Variants in KATNIP observed in about 807,000 individuals in gnomAD.
KATNIP encodes the protein katanin-interacting protein.
KATNIP carries 126 observed loss-of-function variants against 174.0 expected under a neutral mutation model. The ratio of observed to expected loss-of-function variants is 0.72; its 90% CI spans 0.63 to 0.84. The LOEUF is 0.84. KATNIP is among the 40% of genes least tolerant of loss of function. The pLI is 0.00. For synonymous variants in KATNIP, 810 were observed against 835.7 expected (o/e 0.97, Z 0.53); for missense variants, 1,958 against 2,109.7 (o/e 0.93, Z 1.41).
intron 1 of KATNIP, among the ~76,000 whole-genome samples, chr16:27,558,472 G>C (rs1376234981): frequency 6.6e-6 from 1 of 152,142 alleles, no homozygotes; most frequent in African/African-American, 2.4e-5. Context: ...GAAAAAAAGG[G>C]AATATATTAT....
At chr16:27,772,314 A>G (rs1016427235) in intron 22 of KATNIP, among the ~76,000 whole-genome samples, 2 of 152,218 alleles carry the variant, frequency 1.3e-5, no homozygotes, top group Non-Finnish European at 2.9e-5. Flanking sequence ...ACTGAGGCAC[A>G]GAGAGGCTCA....
intron 6 of KATNIP, among the ~76,000 whole-genome samples, chr16:27,671,826 C>T (rs936908550): frequency 6.6e-5 from 10 of 152,122 alleles, no homozygotes; most frequent in Non-Finnish European, 1.5e-4. Context: ...GTGGCTGAGG[C>T]GGGTGGATCA....
In KATNIP at chr16:27,740,456, C is replaced by G. The variant is rs763681602; in HGVS notation, c.2159C>G (p.Pro720Arg). The G allele has an allele frequency of 1.2e-6, 2 of 1,614,020 alleles. No homozygotes were observed. Among genetic ancestry groups the G allele is most frequent in the East Asian group, 4.5e-5 (2 of 44,902 alleles). The change falls in exon 15 of 28, where the codon CCT (proline) becomes CGT (arginine). Residue 720 changes from proline to arginine, a missense_variant. This residue lies in a region of KATNIP where 1,557 missense variants were observed against 1,617.8 expected (regional missense o/e 0.96). Transcript: ENST00000261588. ...DMPSAPATSP[P>R]VKCPPVHEEP... ...CCCAGTGCTCCTGCCACTTCCCCAC[C>G]TGTGAAGTGCCCTCCTGTCCATGAG...
At chr16:27,574,061 G>A (rs1311177521) in intron 2 of KATNIP, 105 bp downstream of exon 2, 1 of 1,006,512 alleles carries the variant, frequency 9.9e-7, no homozygotes, top group East Asian at 2.6e-5. Context: ...TTTTCTCTTG[G>A]GGTCCCAAGC....
At position 27,737,597 on chromosome 16, in the gene KATNIP, G is replaced by A. The variant is rs149101958; in HGVS notation, c.1744-2444G>A. 3.3e-3 allele frequency among the ~76,000 whole-genome samples: 504 copies of A among 152,138 alleles called. 3 individuals are homozygous for A. Among genetic ancestry groups the A allele is most frequent in the African/African-American group, 0.01 (433 of 41,504 alleles). ...GGACTGAGCCCTGGGCAGCCTAGTC[G>A]TTCAAAGTGCAGCCGAAGAAAAGGA... On this transcript the variant is annotated intron_variant, in intron 14 of 27. Coordinates refer to ENST00000261588, the MANE Select transcript of KATNIP (RefSeq NM_015202.5).
intron 10 of KATNIP, among the ~76,000 whole-genome samples, chr16:27,701,125 C>T (rs2079083855): frequency 6.6e-6 from 1 of 152,110 alleles, no homozygotes; most frequent in African/African-American, 2.4e-5. Context: ...CAAAGCAGAA[C>T]AGGGGCTTGG....
At position 27,775,765 on chromosome 16, in the gene KATNIP, A is replaced by G. The variant is rs1250894847; in HGVS notation, c.4449+681A>G. Among the ~76,000 whole-genome samples, 4 of 152,310 alleles carry G rather than the reference A, an allele frequency of 2.6e-5. No homozygotes were observed. The East Asian group carries it at 7.7e-4, about 29-fold the overall frequency. On this transcript the variant is annotated intron_variant, in intron 24 of 27. Transcript: ENST00000261588. ...GATGCACAGCGGGTTCTTGGCAGCC[A>G]TATGACTAGGGATGTGTCCCTTGTC...
At chr16:27,701,072 A>G (rs1330813291) in intron 10 of KATNIP, among the ~76,000 whole-genome samples, 5 of 152,214 alleles carry the variant, frequency 3.3e-5, no homozygotes, top group Non-Finnish European at 1.5e-5. Flanking sequence ...GAAAGGGCCT[A>G]ATGCTGTTAC....
chr16:27,595,107 G>A (rs1292719165), intron 2 of KATNIP, among the ~76,000 whole-genome samples: 1 of 152,166 alleles, frequency 6.6e-6, no homozygotes, highest in Non-Finnish European at 1.5e-5. Flanking sequence ...GATGTGGGCC[G>A]GGCATGGTGG....
At chr16:27,559,680 CAAA>C (rs113480942) in intron 1 of KATNIP, among the ~76,000 whole-genome samples, 3 of 108,284 alleles carry the variant, frequency 2.8e-5, no homozygotes, top group Non-Finnish European at 1.9e-5. Context: ...GACCCTGTCT[CAAA>C]AAAAAAAAAA....
intron 2 of KATNIP, among the ~76,000 whole-genome samples, chr16:27,604,266 T>C (rs1423941988): frequency 6.6e-6 from 1 of 151,966 alleles, no homozygotes; most frequent in Non-Finnish European, 1.5e-5. Flanking sequence ...GCCTAGCTAC[T>C]TTTAAAAATT....
At chr16:27,705,576 T>C (rs1375135216) in intron 12 of KATNIP, among the ~76,000 whole-genome samples, 1 of 152,134 alleles carries the variant, frequency 6.6e-6, no homozygotes, top group Non-Finnish European at 1.5e-5. Flanking sequence ...TGCAGCTCAG[T>C]GCAGGGAGAA....
intron 6 of KATNIP, among the ~76,000 whole-genome samples, chr16:27,655,177 GATATATATATATATATATATAT>G (rs869205308): frequency 0.033 from 1,273 of 38,560 alleles, 53 homozygotes; most frequent in African/African-American, 0.068. Flanking sequence ...CCCTAGAATG[GATATATATATATATATATATAT>G]ATATATATAT....
intron 2 of KATNIP, among the ~76,000 whole-genome samples, chr16:27,595,304 T>C (rs144811128): frequency 6.6e-6 from 1 of 152,214 alleles, no homozygotes; most frequent in Admixed American, 6.5e-5. Context: ...GGCGGATCAC[T>C]TGAGCCTGGG....
intron 2 of KATNIP, among the ~76,000 whole-genome samples, chr16:27,604,667 A>G (rs956469487): frequency 6.6e-6 from 1 of 152,206 alleles, no homozygotes; most frequent in African/African-American, 2.4e-5. Flanking sequence ...TGTTCAGCCA[A>G]TACTGAAGAA....
At chr16:27,686,038 C>A (rs531592708) in intron 8 of KATNIP, among the ~76,000 whole-genome samples, 1 of 152,276 alleles carries the variant, frequency 6.6e-6, no homozygotes, top group East Asian at 1.9e-4. Context: ...TGGCTGAGCC[C>A]CAGAAGAAGC....
chr16:27,571,056 AGAGTCTCACTCCTTTACCCAGGCTG>A (rs1253525826), intron 1 of KATNIP, among the ~76,000 whole-genome samples: 1 of 152,156 alleles, frequency 6.6e-6, no homozygotes, highest in African/African-American at 2.4e-5. Flanking sequence ...GTTTTGAGAC[AGAGTCTCACTCCTTTACCCAGGCTG>A]GAGTCCAGTG....
chr16:27,747,996 G>A (rs530150739), intron 15 of KATNIP, among the ~76,000 whole-genome samples: 6 of 152,308 alleles, frequency 3.9e-5, no homozygotes, highest in Admixed American at 2.6e-4. Context: ...GAGACAGGCA[G>A]GAAATGGAGT....
In KATNIP at chr16:27,761,465, C is replaced by T. The variant is rs775582820; in HGVS notation, c.3684C>T (p.Leu1228=). The T allele has an allele frequency of 1.9e-6, 3 of 1,614,100 alleles. No individual in the cohort carries two copies. Among genetic ancestry groups the T allele is most frequent in the Non-Finnish European group, 2.5e-6 (3 of 1,180,022 alleles). The change falls in exon 19 of 28, where the codon CTC becomes CTT. Residue 1228 remains leucine (L), a synonymous_variant. Transcript: ENST00000261588. ...GGGGAGACTTGCACTACCTGGGGCT[C>T]ACTGGCCTGGAAGTGGTGGGCAAGG... is the stretch of plus-strand genomic sequence containing the variant. The part of the protein sequence containing the change: ...ASWGDLHYLG[L]TGLEVVGKEG...
Sources: allele counts gnomAD v4.1 joint callset (sites outside exome capture counted in the v4.1 genomes callset), GRCh38; gene constraint gnomAD v4.1.1; regional missense constraint gnomAD v4.1.1; transcripts MANE v1.5; gene names NCBI Gene and HGNC (gene_info 2026-07-23, HGNC 2026-07-21).